HDAC9: variants seen among roughly 807,000 people sequenced by gnomAD.
HDAC9 encodes the protein histone deacetylase 9.
A neutral mutation model predicts 139.4 loss-of-function variants in HDAC9; 41 were observed. That is an observed-to-expected ratio of 0.29 (90% confidence interval 0.23 to 0.38). HDAC9 has a LOEUF of 0.38. HDAC9 is among the 10% of genes least tolerant of loss of function. HDAC9 has a pLI of 1.00. For missense variants in HDAC9, 1,147 were observed against 1,297.0 expected (o/e 0.88, Z 1.78); for synonymous variants, 517 against 476.2 (o/e 1.09, Z -1.12).
At chr7:18,419,664 G>A (rs894754197) in intron 1 of HDAC9, among the ~76,000 whole-genome samples, 1 of 152,158 alleles carries the variant, frequency 6.6e-6, no homozygotes, top group Admixed American at 6.6e-5. Context: ...GTTGAAATAA[G>A]CCTTGTAGAC....
chr7:18,878,856 A>G (rs140576254), intron 22 of HDAC9, among the ~76,000 whole-genome samples: 2 of 152,322 alleles, frequency 1.3e-5, no homozygotes, highest in Non-Finnish European at 2.9e-5. Context: ...AAATAGGAAG[A>G]GAGGAAGTCA....
chr7:18,509,956 A>G lies in HDAC9; in HGVS notation c.22+13632A>G, dbSNP rs528201468. Among the ~76,000 whole-genome samples, 13 of 152,314 alleles carry G rather than the reference A, an allele frequency of 8.5e-5. No homozygotes were observed. The East Asian group carries it at 1.2e-3, about 14-fold the overall frequency. Reference sequence around the variant, plus strand: ...ACCTAGCATATAATTGATCCCTGAGACTATTTTTAGATAAATGAATGATTA... The same window carrying G: ...ACCTAGCATATAATTGATCCCTGAGGCTATTTTTAGATAAATGAATGATTA... On this transcript the variant is annotated intron_variant, in intron 2 of 25. Transcript: ENST00000686413.
intron 1 of HDAC9, among the ~76,000 whole-genome samples, chr7:18,384,217 G>A (rs1365658804): frequency 2.6e-5 from 4 of 151,978 alleles, no homozygotes; most frequent in African/African-American, 9.7e-5. Flanking sequence ...AGGCTGAGGT[G>A]GGAGGATTGC....
intron 1 of HDAC9, among the ~76,000 whole-genome samples, chr7:18,408,586 T>C (rs1032660704): frequency 2.0e-5 from 3 of 152,184 alleles, no homozygotes; most frequent in African/African-American, 7.2e-5. Context: ...TATGACTAGC[T>C]GGGCTGGGAC....
chr7:18,651,638 T>C (rs1169383797), intron 11 of HDAC9, among the ~76,000 whole-genome samples: 2 of 152,198 alleles, frequency 1.3e-5, no homozygotes, highest in African/African-American at 4.8e-5. Flanking sequence ...GAGTTTTTCA[T>C]ATCTTGCTAT....
chr7:18,689,330 A>G (rs1782507526), intron 12 of HDAC9, among the ~76,000 whole-genome samples: 1 of 151,652 alleles, frequency 6.6e-6, no homozygotes, highest in African/African-American at 2.4e-5. Flanking sequence ...AGCCTTCCTT[A>G]CAATTTTCAA....
intron 2 of HDAC9, among the ~76,000 whole-genome samples, chr7:18,522,053 A>G (rs1186905252): frequency 1.3e-5 from 2 of 152,184 alleles, no homozygotes; most frequent in Non-Finnish European, 1.5e-5. Flanking sequence ...ACATATATAC[A>G]GAAGACAGGA....
intron 11 of HDAC9, among the ~76,000 whole-genome samples, chr7:18,658,916 A>G (rs1792218065): frequency 6.6e-6 from 1 of 151,366 alleles, no homozygotes; most frequent in Non-Finnish European, 1.5e-5. Context: ...AAAAAAAACA[A>G]AACAACAACA....
At chr7:18,795,606 A>G (rs555772259) in intron 17 of HDAC9, among the ~76,000 whole-genome samples, 4 of 152,328 alleles carry the variant, frequency 2.6e-5, no homozygotes, top group East Asian at 1.9e-4. Context: ...GTAAAAGTCC[A>G]AGATAGGCAG....
intron 12 of HDAC9, among the ~76,000 whole-genome samples, chr7:18,705,429 C>A (rs1783811843): frequency 6.6e-6 from 1 of 152,204 alleles, no homozygotes; most frequent in African/African-American, 2.4e-5. Context: ...GAGCCACACA[C>A]TGGGATAGAG....
intron 1 of HDAC9, among the ~76,000 whole-genome samples, chr7:18,094,997 C>A (rs2731569): frequency 0.58 from 87,613 of 152,034 alleles, 27,899 homozygotes; most frequent in East Asian, 0.78. Flanking sequence ...ATTTTTTCCA[C>A]GGATATGTTA....
chr7:18,496,226 A>G, intron 1 of HDAC9, 36 bp from the exon 2 acceptor site: 2 of 1,606,038 alleles, frequency 1.2e-6, no homozygotes, highest in Non-Finnish European at 1.7e-6. Context: ...AATATGCTGC[A>G]GACAATTTAC....
At chr7:18,879,425 C>A (rs1252352019) in intron 22 of HDAC9, among the ~76,000 whole-genome samples, 1 of 152,120 alleles carries the variant, frequency 6.6e-6, no homozygotes, top group East Asian at 1.9e-4. Context: ...TTCCAGGCTA[C>A]AGTAGCCAAA....
intron 2 of HDAC9, among the ~76,000 whole-genome samples, chr7:18,566,336 C>G (rs1190518130): frequency 6.6e-6 from 1 of 152,156 alleles, no homozygotes; most frequent in Non-Finnish European, 1.5e-5. Flanking sequence ...TTTCAATTCT[C>G]TATCATTTCT....
chr7:18,426,680 C>T (rs1401893229), intron 1 of HDAC9, among the ~76,000 whole-genome samples: 1 of 152,190 alleles, frequency 6.6e-6, no homozygotes, highest in Non-Finnish European at 1.5e-5. Context: ...ATTTACCACT[C>T]TCATCCTTGT....
intron 22 of HDAC9, among the ~76,000 whole-genome samples, chr7:18,901,247 C>CAT (rs3085467): frequency 1.4e-5 from 2 of 143,846 alleles, no homozygotes; most frequent in Non-Finnish European, 3.0e-5. Flanking sequence ...CACACACACA[C>CAT]ATATATACAT....
intron 24 of HDAC9, among the ~76,000 whole-genome samples, chr7:18,973,117 A>G (rs1049878414): frequency 2.6e-5 from 4 of 152,224 alleles, no homozygotes; most frequent in Admixed American, 6.5e-5. Context: ...CTTCAAAAAC[A>G]CTACCAGACA....
At chr7:18,790,247 G>T (rs1792181090) in intron 16 of HDAC9, among the ~76,000 whole-genome samples, 1 of 152,152 alleles carries the variant, frequency 6.6e-6, no homozygotes, top group Admixed American at 6.5e-5. Flanking sequence ...ACTGAAGAGT[G>T]TGCCCTCAAA....
rs775699022 is a variant in HDAC9, at chr7:18,457,264, T to A, written c.-41-38998T>A. ...CCCATTTTTCCTACAGTATTTCAAGTGAACCACTCAGTGACAATCCCATCA... is the reference window on the plus strand; with the variant it reads ...CCCATTTTTCCTACAGTATTTCAAGAGAACCACTCAGTGACAATCCCATCA... On this transcript the variant is annotated intron_variant, in intron 1 of 3. Transcript: ENST00000413509. 2.0e-5 allele frequency among the ~76,000 whole-genome samples: 3 copies of A among 152,190 alleles called. No homozygotes were observed. The South Asian group carries it at 6.2e-4, about 32-fold the overall frequency.
Sources: allele counts gnomAD v4.1 joint callset (sites outside exome capture counted in the v4.1 genomes callset), GRCh38; gene constraint gnomAD v4.1.1; transcripts MANE v1.5; gene names NCBI Gene and HGNC (gene_info 2026-07-23, HGNC 2026-07-21).